The following VPS13B variants were observed in gnomAD, a reference collection of about 807,000 sequenced individuals.
The protein encoded by VPS13B is vacuolar protein sorting 13 homolog B, also known as intermembrane lipid transfer protein VPS13B.
A neutral mutation model predicts 426.4 loss-of-function variants in VPS13B; 285 were observed. The observed-to-expected ratio is 0.67, with a 90% CI of 0.61 to 0.74. VPS13B has a LOEUF of 0.74. Ranked by LOEUF, VPS13B falls within the 30% of genes least tolerant of loss-of-function variation. The pLI is 0.00. For synonymous variants in VPS13B, 1,676 were observed against 1,676.4 expected (o/e 1.00, Z 0.01); for missense variants, 4,537 against 4,782.6 (o/e 0.95, Z 1.51).
intron 51 of VPS13B, among the ~76,000 whole-genome samples, chr8:99,826,528 G>T (rs1052374818): frequency 6.6e-6 from 1 of 152,178 alleles, no homozygotes; most frequent in Admixed American, 6.5e-5. Context: ...GAGACAATTT[G>T]ACTTCCTCCC....
intron 24 of VPS13B, among the ~76,000 whole-genome samples, chr8:99,476,191 G>A (rs532231595): frequency 5.3e-5 from 8 of 152,328 alleles, no homozygotes; most frequent in Non-Finnish European, 1.0e-4. Flanking sequence ...TTCCTGAAGA[G>A]ATGTGAAACC....
intron 33 of VPS13B, among the ~76,000 whole-genome samples, chr8:99,636,713 AT>A (rs1313162825): frequency 4.6e-5 from 7 of 152,040 alleles, no homozygotes; most frequent in Non-Finnish European, 1.0e-4. Flanking sequence ...TAAGTAAAGC[AT>A]TTTGTCTCAA....
chr8:99,347,454 C>A (rs938449128), intron 19 of VPS13B: 2 of 157,034 alleles, frequency 1.3e-5, no homozygotes, highest in South Asian at 2.0e-4. Flanking sequence ...GCCTGTCTTA[C>A]CCAGTTATTG....
At chr8:99,471,330 T>C (rs1483519845) in intron 24 of VPS13B, among the ~76,000 whole-genome samples, 1 of 152,166 alleles carries the variant, frequency 6.6e-6, no homozygotes, top group African/African-American at 2.4e-5. Flanking sequence ...TTTCAGTGTA[T>C]GTAGATGTAG....
At chr8:99,618,697 C>T (rs1318027539) in intron 33 of VPS13B, among the ~76,000 whole-genome samples, 1 of 152,196 alleles carries the variant, frequency 6.6e-6, no homozygotes, top group Non-Finnish European at 1.5e-5. Context: ...TTTTCTGCAG[C>T]CTGCCCAACT....
At chr8:99,690,338 A>C (rs1259721937) in intron 35 of VPS13B, among the ~76,000 whole-genome samples, 1 of 152,236 alleles carries the variant, frequency 6.6e-6, no homozygotes, top group Non-Finnish European at 1.5e-5. Flanking sequence ...TAAGAGATAA[A>C]ACTGTAAAAC....
chr8:99,167,002 A>C (rs1423537727), intron 15 of VPS13B, among the ~76,000 whole-genome samples: 2 of 152,208 alleles, frequency 1.3e-5, no homozygotes, highest in Non-Finnish European at 2.9e-5. Context: ...GAAGGAAGGA[A>C]GATCGGGTGA....
chr8:99,218,802 A>G (rs1002730801), intron 17 of VPS13B, among the ~76,000 whole-genome samples: 5 of 152,224 alleles, frequency 3.3e-5, no homozygotes, highest in Admixed American at 1.3e-4. Context: ...GCCTCATGCA[A>G]TGTGGCCTTT....
intron 33 of VPS13B, among the ~76,000 whole-genome samples, chr8:99,583,120 A>G (rs953200624): frequency 1.3e-5 from 2 of 152,132 alleles, no homozygotes; most frequent in African/African-American, 4.8e-5. Context: ...TTCCCCCCAG[A>G]GCCATTTTTC....
At chr8:99,737,394 A>G (rs961850331) in intron 39 of VPS13B, among the ~76,000 whole-genome samples, 1 of 151,902 alleles carries the variant, frequency 6.6e-6, no homozygotes, top group African/African-American at 2.4e-5. Flanking sequence ...ACACTTTCAC[A>G]TATGATCAGT....
intron 19 of VPS13B, among the ~76,000 whole-genome samples, chr8:99,349,918 C>G (rs1237748547): frequency 6.6e-6 from 1 of 151,944 alleles, no homozygotes; most frequent in African/African-American, 2.4e-5. Flanking sequence ...ATAGAAATAT[C>G]TGATACTTAA....
At chr8:99,835,960 A>G (rs1478376785) in intron 54 of VPS13B, among the ~76,000 whole-genome samples, 1 of 152,230 alleles carries the variant, frequency 6.6e-6, no homozygotes, top group Non-Finnish European at 1.5e-5. Flanking sequence ...AGAGAGGAGC[A>G]CTAGTAAAAG....
intron 19 of VPS13B, among the ~76,000 whole-genome samples, chr8:99,321,296 G>A (rs933588187): frequency 6.9e-6 from 1 of 144,114 alleles, no homozygotes; most frequent in Non-Finnish European, 1.5e-5. Context: ...TGCAGCCTCC[G>A]CCTCCCAGGC....
chr8:99,819,713 G>A (rs1814257163), intron 48 of VPS13B, 131 bp downstream of exon 48: 2 of 1,236,022 alleles, frequency 1.6e-6, no homozygotes, highest in Non-Finnish European at 2.3e-6. Context: ...TCATCTAGTA[G>A]GTGTATTTTG....
chr8:99,530,774 A>G (rs777410913), intron 30 of VPS13B, among the ~76,000 whole-genome samples: 2 of 152,162 alleles, frequency 1.3e-5, no homozygotes, highest in Non-Finnish European at 2.9e-5. Flanking sequence ...GTCAGGTATT[A>G]TGATTATCTG....
At chr8:99,773,066 A>AT (rs1332420978) in intron 40 of VPS13B, among the ~76,000 whole-genome samples, 1 of 152,130 alleles carries the variant, frequency 6.6e-6, no homozygotes, top group African/African-American at 2.4e-5. Context: ...AGAGGAATGG[A>AT]TTTTTTTCAT....
intron 25 of VPS13B, among the ~76,000 whole-genome samples, chr8:99,486,016 A>T (rs557191001): frequency 6.6e-6 from 1 of 151,932 alleles, no homozygotes; most frequent in Non-Finnish European, 1.5e-5. Context: ...CTTATTGTGA[A>T]CTCATCTTCA....
intron 2 of VPS13B, among the ~76,000 whole-genome samples, 182 bp downstream of exon 2, chr8:99,014,117 T>TTTC (rs1841472725): frequency 8.3e-6 from 1 of 120,018 alleles, no homozygotes; most frequent in Non-Finnish European, 1.7e-5. Flanking sequence ...TTTCTTTTTT[T>TTTC]TTTTTTTTTT....
intron 35 of VPS13B, among the ~76,000 whole-genome samples, chr8:99,661,845 G>C (rs561960904): frequency 6.6e-6 from 1 of 152,194 alleles, no homozygotes; most frequent in South Asian, 2.1e-4. Flanking sequence ...GAAGAGGATA[G>C]ACTAGATGGA....
Sources: allele counts gnomAD v4.1 joint callset (sites outside exome capture counted in the v4.1 genomes callset), GRCh38; gene constraint gnomAD v4.1.1; transcripts MANE v1.5; gene names NCBI Gene and HGNC (gene_info 2026-07-23, HGNC 2026-07-21).